The following ATRX variants were observed in gnomAD, a reference collection of about 807,000 sequenced individuals.
The protein encoded by ATRX is chromatin remodeler ATRX.
A neutral mutation model predicts 172.6 loss-of-function variants in ATRX; 12 were observed. The observed-to-expected ratio is 0.07, with a 90% CI of 0.04 to 0.11. The LOEUF is 0.11. ATRX is among the 10% of genes least tolerant of loss of function. ATRX has a pLI of 1.00. For synonymous variants in ATRX, 674 were observed against 594.7 expected (o/e 1.13, Z -1.94); for missense variants, 1,368 against 1,767.4 (o/e 0.77, Z 4.05).
intron 15 of ATRX, among the ~76,000 whole-genome samples, chrX:77,649,480 G>A (rs2069098841): frequency 8.9e-6 from 1 of 112,011 alleles, no homozygotes; most frequent in Non-Finnish European, 1.9e-5. Context: ...CTACTATAAC[G>A]AGTAAGTAAA....
chrX:77,558,442 T>C (rs781879772), intron 29 of ATRX, among the ~76,000 whole-genome samples: 14 of 111,377 alleles, frequency 1.3e-4, no homozygotes, highest in African/African-American at 4.2e-4. Flanking sequence ...ATCTGCTAAA[T>C]GTGTTCATGC....
rs2148601262 is a variant in ATRX, at chrX:77,682,950, G to C, written c.2306C>G (p.Thr769Ser). ...TCCTTTATCATCTTTCCCCGCCTGA[G>C]TCTTTAAATCATACAAAGTCTTATG... ...TNHKTLYDLK[T>S]QAGKDDKGKR... The change falls in exon 9 of 35, where the codon ACT becomes AGT. Residue 769 changes from threonine to serine, a missense_variant. Physicochemically the swap from Thr to Ser is moderately conservative, Grantham distance 58 (BLOSUM62 1). Transcript: ENST00000373344. The C allele has an allele frequency of 1.7e-6, 2 of 1,210,169 alleles. No individual in the cohort carries two copies. The highest frequency in any genetic ancestry group is 3.5e-5 in the South Asian group (2 of 56,936).
intron 1 of ATRX, among the ~76,000 whole-genome samples, chrX:77,726,358 C>A (rs2074035400): frequency 9.3e-6 from 1 of 107,683 alleles, no homozygotes; most frequent in Non-Finnish European, 1.9e-5. Flanking sequence ...TCATTCTCAG[C>A]AAACTATCGC....
chrX:77,711,601 G>A (rs915106388), intron 2 of ATRX, among the ~76,000 whole-genome samples: 4 of 112,315 alleles, frequency 3.6e-5, no homozygotes, highest in Non-Finnish European at 3.8e-5. Flanking sequence ...TTGGGAAGCC[G>A]AGGCAGGCAG....
At chrX:77,565,274 T>C (rs1424400810) in intron 28 of ATRX, among the ~76,000 whole-genome samples, 2 of 111,883 alleles carry the variant, frequency 1.8e-5, no homozygotes, top group African/African-American at 6.5e-5. Flanking sequence ...AGAAGATGCC[T>C]ACTATACCAA....
chrX:77,659,457 C>T (rs782319316), intron 12 of ATRX, among the ~76,000 whole-genome samples: 20 of 101,458 alleles, frequency 2.0e-4, no homozygotes, highest in African/African-American at 7.1e-4. Flanking sequence ...CAGTTTACCA[C>T]ATTTGCTTTT....
At chrX:77,779,091 ATTTTT>A (rs1169146207) in intron 1 of ATRX, among the ~76,000 whole-genome samples, 1 of 62,779 alleles carries the variant, frequency 1.6e-5, no homozygotes, top group Non-Finnish European at 2.9e-5. Flanking sequence ...CCATGCCCGG[ATTTTT>A]TTTTTTTTTT....
At chrX:77,670,345 A>G (rs1425441225) in intron 10 of ATRX, among the ~76,000 whole-genome samples, 2 of 112,403 alleles carry the variant, frequency 1.8e-5, no homozygotes, top group Non-Finnish European at 3.8e-5. Context: ...ACCATATTTT[A>G]AAGTTTGATA....
chrX:77,723,436 G>A (rs1300830305), intron 1 of ATRX, among the ~76,000 whole-genome samples: 2 of 111,817 alleles, frequency 1.8e-5, no homozygotes, highest in Non-Finnish European at 3.8e-5. Flanking sequence ...GGAAGGAAAA[G>A]AAATGAGATA....
intron 19 of ATRX, among the ~76,000 whole-genome samples, chrX:77,629,989 C>T (rs2148322432): frequency 8.9e-6 from 1 of 112,287 alleles, no homozygotes; most frequent in African/African-American, 3.2e-5. Flanking sequence ...CACGCGTGAG[C>T]GCACACATAC....
At chrX:77,508,658 A>G in intron 34 of ATRX, 29 bp from the exon 35 acceptor site, 2 of 1,206,844 alleles carry the variant, frequency 1.7e-6, no homozygotes, top group South Asian at 1.8e-5. Flanking sequence ...AGTCATTACA[A>G]GTGCATGACC....
chrX:77,682,013 C>G lies in ATRX; in HGVS notation c.3243G>C (p.Lys1081Asn), dbSNP rs2071232386. 8.3e-7 allele frequency: 1 copy of G among 1,210,955 alleles called. No individual in the cohort carries two copies. The highest frequency in any genetic ancestry group is 2.3e-4 in the Middle Eastern group (1 of 4,350). ...CTCTACCATATGCTCCATTCTTACT[C>G]TTTTTATCCTCTGAAGAGTCACAAC... The part of the protein sequence containing the change: ...GDSCDSSEDK[K>N]SKNGAYGREK... The change falls in exon 9 of 35, where the codon AAG (lysine) becomes AAC (asparagine). Residue 1081 changes from lysine (K) to asparagine (N), a missense_variant. Physicochemically the swap from Lys to Asn is moderately conservative, Grantham distance 94. Around this residue, in one of 17 missense-constraint regions of ATRX, gnomAD observed 843 missense variants for 643.1 expected, o/e 1.31. Coordinates refer to ENST00000373344, the MANE Select transcript of ATRX (RefSeq NM_000489.6).
intron 2 of ATRX, among the ~76,000 whole-genome samples, chrX:77,710,872 T>A (rs2073076838): frequency 9.1e-6 from 1 of 109,640 alleles, no homozygotes; most frequent in African/African-American, 3.3e-5. Context: ...CTATTCTGTA[T>A]CTCAACTGTG....
intron 30 of ATRX, among the ~76,000 whole-genome samples, chrX:77,554,016 A>T (rs782144368): frequency 7.1e-4 from 79 of 111,773 alleles, no homozygotes; most frequent in African/African-American, 2.0e-3. Context: ...TTAAGATAAA[A>T]TTTTTTGGCT....
intron 15 of ATRX, among the ~76,000 whole-genome samples, chrX:77,639,888 T>C (rs2068568722): frequency 8.9e-6 from 1 of 112,439 alleles, no homozygotes; most frequent in South Asian, 3.6e-4. Context: ...TACTCATAAG[T>C]TCATTGCCAT....
At chrX:77,736,875 C>G (rs1212808432) in intron 1 of ATRX, among the ~76,000 whole-genome samples, 1 of 111,630 alleles carries the variant, frequency 9.0e-6, no homozygotes, top group Non-Finnish European at 1.9e-5. Context: ...ACAAAATGGA[C>G]TACTATTCAG....
At chrX:77,663,171 C>G (rs1369603424) in intron 12 of ATRX, among the ~76,000 whole-genome samples, 1 of 109,959 alleles carries the variant, frequency 9.1e-6, no homozygotes, top group Non-Finnish European at 1.9e-5. Context: ...CTCAGCCTCC[C>G]AAGTAGCTGG....
At chrX:77,728,234 A>G in intron 1 of ATRX, among the ~76,000 whole-genome samples, 1 of 109,284 alleles carries the variant, frequency 9.2e-6, no homozygotes, top group Non-Finnish European at 1.9e-5. Context: ...AAAAAAAAAA[A>G]GTCATTATCA....
intron 1 of ATRX, among the ~76,000 whole-genome samples, chrX:77,733,756 C>T (rs1260009710): frequency 1.9e-5 from 2 of 102,564 alleles, no homozygotes; most frequent in Non-Finnish European, 3.9e-5. Flanking sequence ...TGGTGGCAGG[C>T]ACCTGTAATC....
Sources: gnomAD v4.1 joint callset for allele counts (sites outside exome capture counted in the v4.1 genomes callset) on GRCh38, gnomAD v4.1.1 for gene constraint, gnomAD v4.1.1 regional missense constraint, MANE v1.5 for transcripts, NCBI Gene and HGNC (gene_info 2026-07-23, HGNC 2026-07-21) for gene names.